NT5M: variants seen among roughly 807,000 people sequenced by gnomAD.
NT5M encodes the protein 5'(3')-deoxyribonucleotidase, mitochondrial.
NT5M carries 22 observed loss-of-function variants against 22.2 expected under a neutral mutation model. That is an observed-to-expected ratio of 0.99 (90% CI 0.71 to 1.41). The LOEUF (loss-of-function observed/expected upper bound fraction) is 1.41, where lower values mean the gene tolerates loss of function less well. Ranked by LOEUF, NT5M falls within the 40% of genes most tolerant of loss-of-function variation. NT5M has a pLI of 0.00. For synonymous variants in NT5M, 167 were observed against 133.0 expected (o/e 1.26, Z -1.76); for missense variants, 322 against 314.8 (o/e 1.02, Z -0.17).
intron 2 of NT5M, among the ~76,000 whole-genome samples, chr17:17,309,756 C>T (rs548317871): frequency 1.4e-5 from 2 of 146,808 alleles, no homozygotes; most frequent in East Asian, 2.0e-4. Context: ...CTTCATATGA[C>T]ACAAAAATGC....
chr17:17,342,415 G>A (rs778822285), intron 3 of NT5M, among the ~76,000 whole-genome samples: 3 of 152,100 alleles, frequency 2.0e-5, no homozygotes, highest in Non-Finnish European at 4.4e-5. Context: ...GCAGAGTGGC[G>A]CCGGTCCGAG....
At chr17:17,336,111 T>C (rs1278298458) in intron 3 of NT5M, among the ~76,000 whole-genome samples, 4 of 150,292 alleles carry the variant, frequency 2.7e-5, no homozygotes, top group African/African-American at 4.9e-5. Context: ...CACACCATTC[T>C]CCTGCCTCAG....
At chr17:17,319,639 T>G (rs1037603820) in intron 2 of NT5M, among the ~76,000 whole-genome samples, 4 of 152,192 alleles carry the variant, frequency 2.6e-5, no homozygotes, top group Admixed American at 2.6e-4. Context: ...ATACTTTCTT[T>G]TATGTAACAT....
chr17:17,318,397 T>C (rs2049077374), intron 2 of NT5M, among the ~76,000 whole-genome samples: 1 of 150,452 alleles, frequency 6.6e-6, no homozygotes, highest in Non-Finnish European at 1.5e-5. Context: ...GGAGAATCAC[T>C]TGAACTGGGG....
chr17:17,341,537 G>A lies in NT5M; in HGVS notation c.430-3257G>A, dbSNP rs181778585. Among the ~76,000 whole-genome samples the A allele has an allele frequency of 3.6e-3, 546 of 152,230 alleles. 12 individuals are homozygous for A. Among genetic ancestry groups the A allele is most frequent in the Non-Finnish European group, 2.9e-4 (20 of 68,016 alleles). ...ATGCATAATTTTCCACTAAATCCCCGAAGGCACTCACGAGGTAGATGCTGT... is the reference window on the plus strand; with the variant it reads ...ATGCATAATTTTCCACTAAATCCCCAAAGGCACTCACGAGGTAGATGCTGT... On this transcript the variant is annotated intron_variant, in intron 3 of 4. Coordinates refer to ENST00000389022, the MANE Select transcript of NT5M (RefSeq NM_020201.4).
intron 1 of NT5M, among the ~76,000 whole-genome samples, chr17:17,305,229 G>C (rs1457489405): frequency 6.6e-6 from 1 of 152,114 alleles, no homozygotes; most frequent in Non-Finnish European, 1.5e-5. Flanking sequence ...TGTACGTGTG[G>C]GGTTACTGGT....
intron 1 of NT5M, among the ~76,000 whole-genome samples, chr17:17,306,300 T>C (rs2048799194): frequency 6.6e-6 from 1 of 151,926 alleles, no homozygotes; most frequent in African/African-American, 2.4e-5. Flanking sequence ...GGTGTAGGAG[T>C]CCATGGGCCT....
chr17:17,345,529 T>G (rs1420379184), intron 4 of NT5M, among the ~76,000 whole-genome samples: 1 of 150,774 alleles, frequency 6.6e-6, no homozygotes, highest in African/African-American at 2.4e-5. Flanking sequence ...GGCATGGTGG[T>G]GCATGCCTGT....
Position 17,325,184 on chromosome 17 carries a change from G to A in NT5M, c.429+1939G>A, listed in dbSNP as rs139485042. Reference sequence around the variant, plus strand: ...TATTTCAGCTGGAGTTTCACTGGGTGGCCATGGTGGTTGACCAGCAGTTGT... The same window carrying A: ...TATTTCAGCTGGAGTTTCACTGGGTAGCCATGGTGGTTGACCAGCAGTTGT... On this transcript the variant is annotated intron_variant, in intron 3 of 4. Transcript: ENST00000389022. Among the ~76,000 whole-genome samples the A allele has an allele frequency of 1.7e-4, 26 of 152,272 alleles. No homozygotes were observed. In the East Asian group the frequency reaches 3.9e-3, roughly 23 times the overall value.
intron 3 of NT5M, among the ~76,000 whole-genome samples, chr17:17,339,495 C>T (rs2049594203): frequency 6.6e-6 from 1 of 152,172 alleles, no homozygotes; most frequent in Non-Finnish European, 1.5e-5. Context: ...CTAGCGAGGA[C>T]TTCCAGTACT....
intron 2 of NT5M, among the ~76,000 whole-genome samples, chr17:17,311,025 CCT>C (rs1190174519): frequency 2.6e-5 from 4 of 151,780 alleles, no homozygotes; most frequent in Admixed American, 1.3e-4. Flanking sequence ...AAGATTTGCC[CCT>C]GTGTTTTCTT....
At chr17:17,340,603 T>C (rs111872666) in intron 3 of NT5M, among the ~76,000 whole-genome samples, 3,427 of 152,206 alleles carry the variant, frequency 0.023, 129 homozygotes, top group African/African-American at 0.079. Flanking sequence ...CTCGGCTCAC[T>C]GCAACCTCTG....
At chr17:17,343,247 GTGTGTGTGTGCA>G (rs1349558684) in intron 3 of NT5M, among the ~76,000 whole-genome samples, 3 of 152,158 alleles carry the variant, frequency 2.0e-5, no homozygotes, top group African/African-American at 4.8e-5. Flanking sequence ...GTGCATATGT[GTGTGTGTGTGCA>G]TGTGTGTGTG....
intron 3 of NT5M, among the ~76,000 whole-genome samples, chr17:17,343,374 G>A (rs756081650): frequency 5.9e-5 from 9 of 152,170 alleles, no homozygotes; most frequent in South Asian, 2.1e-4. Context: ...GGAGGTTGTC[G>A]TGGGTGGGCG....
chr17:17,327,979 A>G (rs945000217), intron 3 of NT5M, among the ~76,000 whole-genome samples: 4 of 152,190 alleles, frequency 2.6e-5, no homozygotes, highest in African/African-American at 9.6e-5. Context: ...ATAGCTGAAG[A>G]CGTCTAGTGA....
At chr17:17,342,735 G>C (rs551684445) in intron 3 of NT5M, among the ~76,000 whole-genome samples, 54 of 152,270 alleles carry the variant, frequency 3.5e-4, no homozygotes, top group African/African-American at 1.3e-3. Context: ...CTTGTCAGTC[G>C]GGTCCAGAGA....
intron 3 of NT5M, among the ~76,000 whole-genome samples, chr17:17,344,178 C>T (rs1351319854): frequency 2.0e-5 from 3 of 152,168 alleles, no homozygotes; most frequent in East Asian, 1.9e-4. Flanking sequence ...GCCCCATGTC[C>T]GTTAGCACCT....
rs577602889 is a variant in NT5M at position 17,335,067 on chromosome 17, A to G, written c.430-9727A>G. The stretch of plus-strand genomic sequence containing the variant: ...AGCTTTCAGTGTACCACTCTTGCAC[A>G]TATTGTGTTAAATTTGTCTCTATTT... On this transcript the variant is annotated intron_variant, in intron 3 of 4. Transcript: ENST00000389022. 2.6e-5 allele frequency among the ~76,000 whole-genome samples: 4 copies of G among 151,300 alleles called. No individual in the cohort carries two copies. In the South Asian group the frequency reaches 8.3e-4, roughly 32 times the overall value.
intron 2 of NT5M, among the ~76,000 whole-genome samples, chr17:17,313,395 A>G (rs2048960200): frequency 6.6e-6 from 1 of 152,248 alleles, no homozygotes; most frequent in Non-Finnish European, 1.5e-5. Context: ...GACCATACCC[A>G]GTGGTCCTTT....
Sources: gnomAD v4.1 joint callset for allele counts (sites outside exome capture counted in the v4.1 genomes callset) on GRCh38, gnomAD v4.1.1 for gene constraint, MANE v1.5 for transcripts, NCBI Gene and HGNC (gene_info 2026-07-23, HGNC 2026-07-21) for gene names.